The following GRM8 variants were observed in gnomAD, a reference collection of about 807,000 sequenced individuals.
GRM8 encodes the protein metabotropic glutamate receptor 8.
In GRM8, 47 loss-of-function variants were observed where a neutral mutation model predicts 87.2. The observed-to-expected ratio is 0.54, with a 90% CI of 0.43 to 0.69. The LOEUF (loss-of-function observed/expected upper bound fraction) is 0.69. GRM8 is among the 30% of genes least tolerant of loss of function. The pLI is 0.00. For synonymous variants in GRM8, 396 were observed against 404.5 expected, an observed-to-expected ratio of 0.98 and a Z score of 0.25; for missense variants, 1,019 against 1,139.2, an observed-to-expected ratio of 0.89 and a Z score of 1.52.
At chr7:127,070,988 A>G (rs926265303) in intron 3 of GRM8, among the ~76,000 whole-genome samples, 24 of 152,200 alleles carry the variant, frequency 1.6e-4, no homozygotes, top group African/African-American at 5.5e-4. Flanking sequence ...TAAATAATGT[A>G]ACAGAATAGG....
At chr7:126,677,289 G>A (rs1013932626) in intron 7 of GRM8, among the ~76,000 whole-genome samples, 1 of 151,206 alleles carries the variant, frequency 6.6e-6, no homozygotes, top group African/African-American at 2.4e-5. Flanking sequence ...AAAATAGCAC[G>A]GAAATTTCTC....
At chr7:126,608,802 C>T (rs1176282373) in intron 8 of GRM8, among the ~76,000 whole-genome samples, 3 of 147,716 alleles carry the variant, frequency 2.0e-5, no homozygotes, top group Non-Finnish European at 3.0e-5. Context: ...CTCGCTCTGA[C>T]GCCCAGGCTA....
intron 6 of GRM8, among the ~76,000 whole-genome samples, chr7:126,789,740 C>T (rs1821069326): frequency 6.6e-6 from 1 of 152,082 alleles, no homozygotes; most frequent in Non-Finnish European, 1.5e-5. Context: ...TTATTTCATT[C>T]TAGTAAAATA....
chr7:127,021,776 T>C (rs1022523839), intron 3 of GRM8, among the ~76,000 whole-genome samples: 1 of 152,104 alleles, frequency 6.6e-6, no homozygotes, highest in African/African-American at 2.4e-5. Context: ...GTAATAGTTA[T>C]TAAGTTTGTT....
intron 3 of GRM8, among the ~76,000 whole-genome samples, chr7:127,061,257 C>T (rs1336984511): frequency 6.6e-6 from 1 of 152,132 alleles, no homozygotes; most frequent in Non-Finnish European, 1.5e-5. Flanking sequence ...TTATTAAGGA[C>T]TATGCTAGCT....
chr7:126,737,265 A>T (rs1471316697), intron 7 of GRM8, among the ~76,000 whole-genome samples: 2 of 151,982 alleles, frequency 1.3e-5, no homozygotes, highest in Non-Finnish European at 2.9e-5. Flanking sequence ...CCCAAGATGG[A>T]TAAGCTGGTT....
intron 6 of GRM8, among the ~76,000 whole-genome samples, chr7:126,795,603 A>G (rs1821866520): frequency 5.3e-5 from 8 of 152,112 alleles, no homozygotes; most frequent in Admixed American, 5.2e-4. Context: ...AGTCATGAGT[A>G]ACAACCACCT....
At chr7:126,609,121 T>C (rs910078899) in intron 8 of GRM8, among the ~76,000 whole-genome samples, 10 of 152,088 alleles carry the variant, frequency 6.6e-5, no homozygotes, top group African/African-American at 2.4e-4. Flanking sequence ...TATCTAAGGG[T>C]ATAGTCAACT....
At chr7:127,121,501 C>T (rs1827083821) in intron 2 of GRM8, among the ~76,000 whole-genome samples, 3 of 152,120 alleles carry the variant, frequency 2.0e-5, no homozygotes, top group South Asian at 2.1e-4. Context: ...TGAGCATCTC[C>T]GTGGTTATCT....
intron 9 of GRM8, among the ~76,000 whole-genome samples, chr7:126,475,408 A>C (rs188660376): frequency 6.6e-6 from 1 of 152,222 alleles, no homozygotes; most frequent in East Asian, 1.9e-4. Context: ...CAAAAGTTTA[A>C]GGAGGTGGAA....
chr7:126,966,929 T>C (rs778892248), intron 3 of GRM8, among the ~76,000 whole-genome samples: 14 of 152,210 alleles, frequency 9.2e-5, no homozygotes, highest in Non-Finnish European at 1.6e-4. Context: ...GCACCCATTG[T>C]TCAAAAACTG....
intron 2 of GRM8, among the ~76,000 whole-genome samples, chr7:127,159,825 A>C (rs376034958): frequency 6.6e-6 from 1 of 152,186 alleles, no homozygotes; most frequent in African/African-American, 2.4e-5. Flanking sequence ...GCATCCTAAA[A>C]TTTAAACAAA....
chr7:127,049,158 C>T (rs2132473338), intron 3 of GRM8, among the ~76,000 whole-genome samples: 1 of 152,246 alleles, frequency 6.6e-6, no homozygotes, highest in African/African-American at 2.4e-5. Flanking sequence ...ATCTTGCACA[C>T]TGTAAATATC....
At chr7:126,957,045 T>C (rs1808768071) in intron 3 of GRM8, among the ~76,000 whole-genome samples, 1 of 152,178 alleles carries the variant, frequency 6.6e-6, no homozygotes, top group South Asian at 2.1e-4. Context: ...GTGTGAACAC[T>C]TTTTTAAAGT....
intron 8 of GRM8, among the ~76,000 whole-genome samples, chr7:126,553,491 G>C (rs1282796375): frequency 6.6e-6 from 1 of 152,158 alleles, no homozygotes; most frequent in African/African-American, 2.4e-5. Context: ...ACAATATTTT[G>C]TTTGACCAAA....
chr7:126,901,930 C>G (rs1802116741), intron 6 of GRM8, among the ~76,000 whole-genome samples: 1 of 151,756 alleles, frequency 6.6e-6, no homozygotes, highest in Non-Finnish European at 1.5e-5. Context: ...CTAAGTAACT[C>G]TGTCTCAAAA....
chr7:126,988,563 T>C (rs757676676), intron 3 of GRM8, among the ~76,000 whole-genome samples: 37 of 152,200 alleles, frequency 2.4e-4, no homozygotes, highest in South Asian at 4.1e-4. Context: ...TGCTAGGTAC[T>C]CTATTGGGTG....
chr7:126,496,593 GT>G (rs992091220), intron 9 of GRM8, among the ~76,000 whole-genome samples: 1 of 151,952 alleles, frequency 6.6e-6, no homozygotes, highest in Non-Finnish European at 1.5e-5. Context: ...CTGGAACCAT[GT>G]TTTTTGCCAT....
At chr7:127,066,782 C>T (rs1043102079) in intron 3 of GRM8, among the ~76,000 whole-genome samples, 2 of 152,188 alleles carry the variant, frequency 1.3e-5, no homozygotes, top group African/African-American at 4.8e-5. Context: ...AATCTCTCCC[C>T]ATGTCTCCTT....
Sources: allele counts gnomAD v4.1 joint callset (sites outside exome capture counted in the v4.1 genomes callset), GRCh38; gene constraint gnomAD v4.1.1; transcripts MANE v1.5; gene names NCBI Gene and HGNC (gene_info 2026-07-23, HGNC 2026-07-21).